Variants in SLC22A16 observed in about 807,000 individuals in gnomAD.
SLC22A16 encodes solute carrier family 22 member 16, also known as WUGSC:RG331P03.1.
A neutral mutation model predicts 52.9 loss-of-function variants in SLC22A16; 53 were observed. The observed-to-expected ratio is 1.00, with a 90% CI of 0.80 to 1.26. The LOEUF is 1.26. Among genes scored for constraint, SLC22A16 ranks in the 50% most tolerant of loss-of-function variants. The pLI, the probability that SLC22A16 is intolerant of heterozygous loss-of-function variation, is 0.00. For missense variants in SLC22A16, 726 were observed against 704.0 expected, an observed-to-expected ratio of 1.03 and a Z score of -0.35; for synonymous variants, 291 against 268.8, an observed-to-expected ratio of 1.08 and a Z score of -0.81.
At chr6:110,444,290 G>A (rs545582199) in intron 3 of SLC22A16, among the ~76,000 whole-genome samples, 3 of 152,164 alleles carry the variant, frequency 2.0e-5, no homozygotes, top group South Asian at 4.2e-4. Context: ...GGGAGGAGGA[G>A]GGGAAGAATT....
At chr6:110,442,926 T>G in intron 3 of SLC22A16, 151 bp from the exon 4 acceptor site, 1 of 720,886 alleles carries the variant, frequency 1.4e-6, no homozygotes, top group Non-Finnish European at 2.2e-6. Flanking sequence ...TGACATTCAA[T>G]CCGATCTATC....
chr6:110,439,439 A>T lies in SLC22A16; in HGVS notation c.1184-592T>A, dbSNP rs1324943901. Reference sequence around the variant, plus strand: ...ATACTGCACCATCTCAAATTGTCATAGAGAATGAGTTTGAAGTCAAGACAG... The same window carrying T: ...ATACTGCACCATCTCAAATTGTCATTGAGAATGAGTTTGAAGTCAAGACAG... On this transcript the variant is annotated intron_variant, in intron 4 of 7. Transcript: ENST00000368919. Among the ~76,000 whole-genome samples the T allele has an allele frequency of 6.6e-5, 10 of 152,308 alleles. No homozygotes were observed. The East Asian group carries it at 1.2e-3, about 18-fold the overall frequency.
chr6:110,473,278 T>C (rs757702762), intron 1 of SLC22A16, among the ~76,000 whole-genome samples: 14 of 152,084 alleles, frequency 9.2e-5, no homozygotes, highest in Non-Finnish European at 1.2e-4. Flanking sequence ...AGGCTCCACA[T>C]TCCAACTCTA....
chr6:110,453,951 C>A (rs1049053470), intron 2 of SLC22A16, among the ~76,000 whole-genome samples: 1 of 152,108 alleles, frequency 6.6e-6, no homozygotes, highest in East Asian at 1.9e-4. Flanking sequence ...TTAAAACAAT[C>A]CACTCTTGCA....
intron 1 of SLC22A16, among the ~76,000 whole-genome samples, chr6:110,472,781 C>G (rs1776304334): frequency 6.6e-6 from 1 of 152,150 alleles, no homozygotes; most frequent in African/African-American, 2.4e-5. Flanking sequence ...AGATATGACA[C>G]TCTAATGGAA....
intron 2 of SLC22A16, among the ~76,000 whole-genome samples, chr6:110,453,406 G>C (rs906710375): frequency 6.6e-6 from 1 of 152,130 alleles, no homozygotes; most frequent in Non-Finnish European, 1.5e-5. Context: ...CCCAAGATGA[G>C]GGTATACAAA....
chr6:110,430,436 G>A (rs180835684), intron 7 of SLC22A16, among the ~76,000 whole-genome samples: 87 of 152,046 alleles, frequency 5.7e-4, no homozygotes, highest in African/African-American at 1.8e-3. Context: ...GAGGGAATCC[G>A]GCAGCCTGAG....
intron 1 of SLC22A16, chr6:110,475,131 T>C (rs965366981): frequency 1.0e-5 from 4 of 394,010 alleles, no homozygotes; most frequent in Non-Finnish European, 2.0e-5. Flanking sequence ...TTAAAACTGA[T>C]CTTTTAACCT....
rs1393335267 is a variant in SLC22A16, at chr6:110,435,901, A to T, written c.1372T>A (p.Phe458Ile). ...GCTGTATAAAGATAAATGAGGCCAA[A>T]TGCTGCCCCGATGGCAAATTTTCCA... ...MVGKFAIGAA[F>I]GLIYLYTAEL... Residue 458 changes from phenylalanine to isoleucine, a missense_variant, in exon 6 of 8, where the codon TTT (phenylalanine) becomes ATT (isoleucine). Transcript: ENST00000368919. 4 of 1,614,102 alleles carry T rather than the reference A, an allele frequency of 2.5e-6. No individual in the cohort carries two copies. The East Asian group carries it at 8.9e-5, about 36-fold the overall frequency.
intron 2 of SLC22A16, among the ~76,000 whole-genome samples, chr6:110,451,268 G>A (rs1396746916): frequency 6.6e-6 from 1 of 152,154 alleles, no homozygotes; most frequent in Non-Finnish European, 1.5e-5. Flanking sequence ...TGCTGTGAGG[G>A]CACTTTTATG....
At chr6:110,461,666 T>A (rs1279834830) in intron 1 of SLC22A16, among the ~76,000 whole-genome samples, 1 of 152,030 alleles carries the variant, frequency 6.6e-6, no homozygotes, top group Non-Finnish European at 1.5e-5. Flanking sequence ...ACCCTACATA[T>A]CACTGCAACA....
At chr6:110,468,956 G>A (rs1325797109) in intron 1 of SLC22A16, among the ~76,000 whole-genome samples, 2 of 152,148 alleles carry the variant, frequency 1.3e-5, no homozygotes, top group African/African-American at 2.4e-5. Flanking sequence ...CATGGCTGGT[G>A]GGTCACCTGC....
intron 3 of SLC22A16, 50 bp from the exon 4 acceptor site, chr6:110,442,825 T>C (rs543345998): frequency 5.2e-6 from 8 of 1,543,934 alleles, no homozygotes; most frequent in Non-Finnish European, 7.0e-6. Flanking sequence ...TTTATAACTA[T>C]TGAGGAGTCT....
At chr6:110,464,370 T>C (rs531713659) in intron 1 of SLC22A16, among the ~76,000 whole-genome samples, 1 of 152,036 alleles carries the variant, frequency 6.6e-6, no homozygotes, top group East Asian at 1.9e-4. Flanking sequence ...AAGTTGGTTC[T>C]CTGAAAAGGT....
rs545299473 is a variant in SLC22A16 at position 110,462,037 on chromosome 6, T to A, written c.54-5020A>T. On this transcript the variant is annotated intron_variant, in intron 1 of 7. Coordinates refer to ENST00000368919, the MANE Select transcript of SLC22A16 (RefSeq NM_033125.4). ...AGGAGCAAGTCACATCTTACATGGA[T>A]GGCAACAGGCAAAGAGAGAGCTTGT... Among the ~76,000 whole-genome samples the A allele has an allele frequency of 9.2e-5, 14 of 152,324 alleles. No individual in the cohort carries two copies. In the East Asian group the frequency reaches 2.7e-3, roughly 29 times the overall value.
intron 7 of SLC22A16, among the ~76,000 whole-genome samples, chr6:110,426,334 A>G (rs2114868863): frequency 6.6e-6 from 1 of 152,300 alleles, no homozygotes; most frequent in South Asian, 2.1e-4. Context: ...GATCCAGAAC[A>G]GAATGGAATT....
rs143943525 is a variant in SLC22A16 at position 110,456,575 on chromosome 6, G to T, written c.496C>A (p.Leu166Ile). The change falls in exon 2 of 8, where the codon CTA becomes ATA. Residue 166 changes from leucine (L) to isoleucine (I), a missense_variant. Transcript: ENST00000368919. ...LIQPLFMFGV[L>I]LGSVTFGYFS... is the part of the protein sequence containing the mutation. ...TAGCCAAAAGTCACCGATCCCAGTA[G>T]GACTCCAAACATAAATAGGGGCTGG... is the stretch of plus-strand genomic sequence containing the variant. The T allele has an allele frequency of 4.3e-5, 70 of 1,613,974 alleles. No homozygotes were observed. In the African/African-American group the frequency reaches 8.1e-4, roughly 19 times the overall value.
intron 7 of SLC22A16, among the ~76,000 whole-genome samples, chr6:110,430,909 C>G (rs733470): frequency 0.33 from 50,324 of 151,998 alleles, 8,566 homozygotes; most frequent in East Asian, 0.45. Context: ...GGCTTCCAGG[C>G]AAGGGTGAGG....
At chr6:110,446,810 T>G in intron 3 of SLC22A16, 63 bp downstream of exon 3, 10 of 1,410,364 alleles carry the variant, frequency 7.1e-6, no homozygotes, top group Non-Finnish European at 8.8e-6. Flanking sequence ...AGCAAAATGA[T>G]GAGAGTTAAG....
Sources: gnomAD v4.1 joint callset for allele counts (sites outside exome capture counted in the v4.1 genomes callset) on GRCh38, gnomAD v4.1.1 for gene constraint, MANE v1.5 for transcripts, NCBI Gene and HGNC (gene_info 2026-07-23, HGNC 2026-07-21) for gene names.